TDP1: variants seen among roughly 807,000 people sequenced by gnomAD.
TDP1 encodes tyrosyl-DNA phosphodiesterase 1, also known as tyr-DNA phosphodiesterase 1.
Under a neutral mutation model 81.5 loss-of-function variants are expected in TDP1, and 64 were observed. That is an observed-to-expected ratio of 0.79 (90% CI 0.64 to 0.97). TDP1 has a LOEUF of 0.97. Ranked by LOEUF, TDP1 falls within the 50% of genes least tolerant of loss-of-function variation. TDP1 has a pLI of 0.00. For synonymous variants in TDP1, 256 were observed against 264.3 expected (o/e 0.97, Z 0.30); for missense variants, 723 against 743.8 (o/e 0.97, Z 0.33).
At chr14:89,968,979 CCTT>C (rs1228269781) in intron 5 of TDP1, among the ~76,000 whole-genome samples, 16 of 152,224 alleles carry the variant, frequency 1.1e-4, no homozygotes, top group Admixed American at 9.8e-4. Context: ...TGACTAGTGT[CCTT>C]ATAAAAAGAG....
chr14:90,002,108 G>A (rs183297620), intron 14 of TDP1, among the ~76,000 whole-genome samples: 4 of 152,218 alleles, frequency 2.6e-5, no homozygotes, highest in African/African-American at 7.2e-5. Flanking sequence ...GGTATATAAA[G>A]AAGGTATGTC....
chr14:90,004,182 G>C (rs994730461), intron 14 of TDP1, among the ~76,000 whole-genome samples: 4 of 152,110 alleles, frequency 2.6e-5, no homozygotes, highest in Non-Finnish European at 4.4e-5. Flanking sequence ...AGTGAAGACA[G>C]AGCATACCCC....
chr14:90,038,388 A>C (rs1176145467), intron 16 of TDP1, among the ~76,000 whole-genome samples: 1 of 152,214 alleles, frequency 6.6e-6, no homozygotes, highest in Admixed American at 6.5e-5. Context: ...TATTAATTTT[A>C]AATAGCTCCC....
intron 15 of TDP1, among the ~76,000 whole-genome samples, chr14:90,027,946 AG>A (rs1886850164): frequency 6.6e-6 from 1 of 152,250 alleles, no homozygotes; most frequent in African/African-American, 2.4e-5. Flanking sequence ...GGTTGAAAGC[AG>A]GGGCTGATAC....
intron 10 of TDP1, among the ~76,000 whole-genome samples, chr14:89,985,813 G>C (rs2140101610): frequency 1.3e-5 from 2 of 152,294 alleles, no homozygotes; most frequent in Middle Eastern, 3.4e-3. Context: ...CGGATCACAA[G>C]GTTAGGAGTT....
intron 15 of TDP1, among the ~76,000 whole-genome samples, chr14:90,019,769 T>C (rs1885748967): frequency 6.6e-6 from 1 of 151,842 alleles, no homozygotes; most frequent in African/African-American, 2.4e-5. Context: ...CAAGCACAAG[T>C]TGTTTTAGGT....
At position 89,985,161 on chromosome 14, in the gene TDP1, G is replaced by A. The variant is rs371563681; in HGVS notation, c.1082G>A (p.Arg361His). The A allele has an allele frequency of 9.3e-6, 15 of 1,611,034 alleles. No homozygotes were observed. Among genetic ancestry groups the A allele is most frequent in the African/African-American group, 2.7e-5 (2 of 74,922 alleles). ...TATCTTATTGGTTCAACCCCAGGAC[G>A]CTTTCAAGGAAGTCAAAAAGATAAT... is the stretch of plus-strand genomic sequence containing the variant. Reference protein sequence around the residue: ...NVYLIGSTPGRFQGSQKDNWG... With the variant: ...NVYLIGSTPGHFQGSQKDNWG... The change falls in exon 10 of 17, where the codon CGC becomes CAC. Residue 361 changes from arginine (R) to histidine (H), a missense_variant. Transcript: ENST00000335725.
At position 89,963,203 on chromosome 14, in the gene TDP1, C is replaced by T. The variant is rs1555382631; in HGVS notation, c.89C>T (p.Thr30Ile). The change falls in exon 3 of 17, where the codon ACC becomes ATC. Residue 30 changes from threonine (T) to isoleucine (I), a missense_variant. Transcript: ENST00000335725. ...AAGCCAAAACCAGACAAGCCATCTA[C>T]CTCTTCTCTTCTCTGTGCCAGGCAA... ...EEKPKPDKPS[T>I]SSLLCARQGA... 5 of 1,614,122 alleles carry T rather than the reference C, an allele frequency of 3.1e-6. No homozygotes were observed. In the Admixed American group the frequency reaches 6.7e-5, roughly 22 times the overall value.
At chr14:89,967,474 C>A in intron 5 of TDP1, 52 bp downstream of exon 5, 1 of 1,476,404 alleles carries the variant, frequency 6.8e-7, no homozygotes, top group Non-Finnish European at 9.5e-7. Flanking sequence ...GGGGCTTTGA[C>A]ACCTAAGATT....
intron 12 of TDP1, 41 bp downstream of exon 12, chr14:89,989,806 A>C: frequency 6.9e-7 from 1 of 1,456,494 alleles, no homozygotes; most frequent in Non-Finnish European, 9.6e-7. Context: ...TTTTATGTAT[A>C]TTTCATGAAT....
chr14:90,004,306 G>A (rs141085926), intron 14 of TDP1, among the ~76,000 whole-genome samples: 1 of 152,276 alleles, frequency 6.6e-6, no homozygotes, highest in Non-Finnish European at 1.5e-5. Context: ...TAGTCACTAA[G>A]TGCACATCTG....
At chr14:89,988,015 T>G (rs1002660163) in intron 10 of TDP1, among the ~76,000 whole-genome samples, 1 of 152,064 alleles carries the variant, frequency 6.6e-6, no homozygotes, top group African/African-American at 2.4e-5. Flanking sequence ...CAAGTTGAGG[T>G]TCCCATGACC....
intron 15 of TDP1, among the ~76,000 whole-genome samples, chr14:90,027,543 G>A (rs1886808985): frequency 6.6e-6 from 1 of 152,176 alleles, no homozygotes; most frequent in African/African-American, 2.4e-5. Context: ...TTTACTAGCA[G>A]TGTGATCCTG....
chr14:89,966,337 G>A, intron 4 of TDP1, 147 bp downstream of exon 4: 2 of 701,182 alleles, frequency 2.9e-6, no homozygotes, highest in Non-Finnish European at 5.2e-6. Flanking sequence ...TGGCTCAAGT[G>A]CCACAGTAAT....
At chr14:90,029,194 AT>A (rs539198642) in intron 15 of TDP1, among the ~76,000 whole-genome samples, 3,544 of 116,132 alleles carry the variant, frequency 0.031, 80 homozygotes, top group African/African-American at 0.096. Flanking sequence ...CCCTGCCATT[AT>A]TTTTTTTTTT....
intron 14 of TDP1, among the ~76,000 whole-genome samples, chr14:89,994,863 A>C (rs1025313005): frequency 1.2e-4 from 18 of 152,196 alleles, no homozygotes; most frequent in Non-Finnish European, 2.1e-4. Flanking sequence ...AAGGCCATGG[A>C]GGTGGGAAAA....
intron 8 of TDP1, among the ~76,000 whole-genome samples, chr14:89,983,504 T>A (rs1176975977): frequency 1.3e-5 from 2 of 152,162 alleles, no homozygotes; most frequent in East Asian, 3.9e-4. Flanking sequence ...GGCTGCCAGG[T>A]GAAAGAGAAA....
chr14:89,989,223 G>C (rs1895915297), intron 11 of TDP1, 133 bp downstream of exon 11: 1 of 1,393,866 alleles, frequency 7.2e-7, no homozygotes, highest in South Asian at 1.3e-5. Flanking sequence ...TGGCGGGGGC[G>C]GGGTGCGGAA....
At chr14:89,979,382 T>C (rs1030325646) in intron 7 of TDP1, among the ~76,000 whole-genome samples, 13 of 151,960 alleles carry the variant, frequency 8.6e-5, no homozygotes, top group Non-Finnish European at 1.8e-4. Flanking sequence ...CAGTCTCGGC[T>C]CACTGCAACC....
Sources: gnomAD v4.1 joint callset for allele counts (sites outside exome capture counted in the v4.1 genomes callset) on GRCh38, gnomAD v4.1.1 for gene constraint, MANE v1.5 for transcripts, NCBI Gene and HGNC (gene_info 2026-07-23, HGNC 2026-07-21) for gene names.